Variants in ZNF829 observed in about 807,000 individuals in gnomAD.
The protein encoded by ZNF829 is zinc finger protein 829.
ZNF829 carries 25 observed loss-of-function variants against 35.2 expected under a neutral mutation model. The ratio of observed to expected loss-of-function variants is 0.71; its 90% CI spans 0.52 to 0.99. The LOEUF is 0.99. Among genes scored for constraint, ZNF829 ranks in the 50% least tolerant of loss-of-function variants. The pLI, the probability that ZNF829 is intolerant of heterozygous loss-of-function variation, is 0.00. For missense variants in ZNF829, 417 were observed against 515.3 expected (o/e 0.81, Z 1.85); for synonymous variants, 136 against 163.2 (o/e 0.83, Z 1.27).
At chr19:36,908,245 G>A in intron 4 of ZNF829, 88 bp downstream of exon 4, 1 of 1,507,570 alleles carries the variant, frequency 6.6e-7, no homozygotes, top group Non-Finnish European at 8.9e-7. Flanking sequence ...CAGAAATTCA[G>A]CTGGTTACAT....
In ZNF829 at chr19:36,908,455, G is replaced by T. The variant is rs76856236; in HGVS notation, c.101C>A (p.Pro34Gln). 1 of 1,594,240 alleles carries T rather than the reference G, an allele frequency of 6.3e-7. No individual in the cohort carries two copies. The highest frequency in any genetic ancestry group is 1.8e-5 in the Admixed American group (1 of 55,922). The change falls in exon 4 of 6, where the codon CCG (proline) becomes CAG (glutamine). Residue 34 changes from proline (P) to glutamine (Q), a missense_variant. Transcript: ENST00000391711. ...DELLQAVSKG[P>Q]VMFRDVSIDF... ...TATGGAAACATCCCTGAACATCACC[G>T]GCCCCTGAAACAACAAACATGCTTT...
chr19:36,899,564 T>C (rs1444186073), intron 5 of ZNF829, among the ~76,000 whole-genome samples: 1 of 151,956 alleles, frequency 6.6e-6, no homozygotes, highest in Non-Finnish European at 1.5e-5. Context: ...ATACCTTGAT[T>C]TGATCCTTAT....
chr19:36,904,485 C>T (rs1191797733), intron 5 of ZNF829, among the ~76,000 whole-genome samples: 1 of 152,092 alleles, frequency 6.6e-6, no homozygotes, highest in South Asian at 2.1e-4. Flanking sequence ...CTGCAACTTC[C>T]ACCTCCTGGG....
Position 36,892,472 on chromosome 19 carries a change from C to A in ZNF829, c.320-1G>T. On this transcript the variant is annotated splice_acceptor_variant, in intron 5 of 5. Transcript: ENST00000391711. LOFTEE classifies it high-confidence loss of function. ...TTGGTCTCACACATTGATTCCAGAT[C>A]TGAAAGAAAATACAAAGGCAAATAA... 1 of 1,560,048 alleles carries A rather than the reference C, an allele frequency of 6.4e-7. No individual in the cohort carries two copies. Among genetic ancestry groups the A allele is most frequent in the Non-Finnish European group, 8.6e-7 (1 of 1,161,612 alleles).
At position 36,908,325 on chromosome 19, in the gene ZNF829, A is replaced by G; in HGVS notation, c.223+8T>C. ...ACACTCTGAATTTTGGGGAATAGTT[A>G]TCCTTACCCACTGAAACCAGGTTGC... On this transcript the variant is annotated splice_region_variant and intron_variant, in intron 4 of 5. Coordinates refer to ENST00000391711, the MANE Select transcript of ZNF829 (RefSeq NM_001037232.4). The G allele has an allele frequency of 6.2e-7, 1 of 1,608,974 alleles. No individual in the cohort carries two copies. Among genetic ancestry groups the G allele is most frequent in the Non-Finnish European group, 8.5e-7 (1 of 1,177,976 alleles).
intron 5 of ZNF829, among the ~76,000 whole-genome samples, chr19:36,895,354 A>G (rs113881761): frequency 0.015 from 2,276 of 152,330 alleles, 17 homozygotes; most frequent in African/African-American, 0.029. Flanking sequence ...TAAACAAATG[A>G]AAATAAGAAG....
chr19:36,916,224 A>G lies in ZNF829; in HGVS notation c.-298T>C, dbSNP rs937857260. On this transcript the variant is annotated 5_prime_UTR_variant, in exon 1 of 6. Transcript: ENST00000391711. This position sits in a 1 kb window ranked among gnomAD's most constrained non-coding sequence, Gnocchi z 5.3. ...GTTGCGGGTCGCCGTAGCGCTGCGC[A>G]ATGGAGATGAGCCTCCCGGGGAACC... is the stretch of plus-strand genomic sequence containing the variant. 1.8e-5 allele frequency: 7 copies of G among 397,334 alleles called. No homozygotes were observed. The highest frequency in any genetic ancestry group is 9.0e-6 in the Non-Finnish European group (2 of 221,972). The allele number at this position is 397,334 out of a possible 1,614,324, so 24.6% of individuals were successfully genotyped here. A position where few individuals can be genotyped will look rare whatever the true frequency, so the allele number is the denominator to read the frequency against.
intron 3 of ZNF829, chr19:36,912,784 G>A (rs2073274789): frequency 6.6e-6 from 1 of 152,158 alleles, no homozygotes; most frequent in Non-Finnish European, 1.5e-5. Context: ...ATCACCTGAG[G>A]TTGGGAGTTC....
intron 5 of ZNF829, among the ~76,000 whole-genome samples, chr19:36,903,048 G>C (rs1450312654): frequency 6.9e-6 from 1 of 145,372 alleles, no homozygotes. Context: ...AAATAAAAAA[G>C]AAGAAGAAGA....
intron 3 of ZNF829, among the ~76,000 whole-genome samples, chr19:36,912,103 A>C (rs147533459): frequency 1.0e-3 from 153 of 152,328 alleles, no homozygotes; most frequent in African/African-American, 3.6e-3. Context: ...AGACTGACTT[A>C]GGCAGGAGAA....
At chr19:36,907,087 C>CAAAAAAAAAAAAAAAAAAAAA (rs1158970593) in intron 5 of ZNF829, 1 of 23,728 alleles carries the variant, frequency 4.2e-5, no homozygotes, top group African/African-American at 1.7e-4. Context: ...GACTCCATCT[C>CAAAAAAAAAAAAAAAAAAAAA]AAAAAAAAAA....
chr19:36,909,810 A>G (rs2073248652), intron 3 of ZNF829, among the ~76,000 whole-genome samples: 1 of 151,072 alleles, frequency 6.6e-6, no homozygotes, highest in Admixed American at 6.6e-5. Flanking sequence ...CTGTCTCAAA[A>G]AAAAAAAAAA....
chr19:36,891,758 T>C lies in ZNF829; in HGVS notation c.1033A>G (p.Ile345Val). ...TCATAGAGCTTCTCACCAGCATGAA[T>C]TCTGTGATGGTTAGTAAGTGTTGAG... ...SASTLTNHHR[I>V]HAGEKLYECE... Residue 345 changes from isoleucine (I) to valine (V), a missense_variant, in exon 6 of 6, where the codon ATT becomes GTT. Coordinates refer to ENST00000391711, the MANE Select transcript of ZNF829 (RefSeq NM_001037232.4). 1.5e-5 allele frequency: 25 copies of C among 1,614,188 alleles called. No individual in the cohort carries two copies. Among genetic ancestry groups the C allele is most frequent in the Non-Finnish European group, 2.0e-5 (24 of 1,180,030 alleles).
At chr19:36,902,478 TAC>T (rs1383346039) in intron 5 of ZNF829, among the ~76,000 whole-genome samples, 2 of 151,142 alleles carry the variant, frequency 1.3e-5, no homozygotes, top group African/African-American at 4.9e-5. Flanking sequence ...CTACAAAAAA[TAC>T]AAAAATTAGC....
chr19:36,893,162 A>C (rs2073078433), intron 5 of ZNF829: 1 of 393,844 alleles, frequency 2.5e-6, no homozygotes, highest in African/African-American at 2.1e-5. Context: ...GTGACTGTGC[A>C]ATGGTATACT....
At chr19:36,908,291 T>C in intron 4 of ZNF829, 42 bp downstream of exon 4, 1 of 1,585,158 alleles carries the variant, frequency 6.3e-7, no homozygotes, top group Non-Finnish European at 8.6e-7. Flanking sequence ...AGGAGACACT[T>C]CCAAGGGCAC....
chr19:36,914,329 T>A (rs1373544447), intron 3 of ZNF829, among the ~76,000 whole-genome samples: 1 of 152,130 alleles, frequency 6.6e-6, no homozygotes, highest in African/African-American at 2.4e-5. Context: ...AATAAAGGAC[T>A]GAGATCCAGA....
rs540996802 is a variant in ZNF829 at position 36,900,468 on chromosome 19, C to CT, written c.319+7460dup. 2.3e-4 allele frequency among the ~76,000 whole-genome samples: 35 copies of CT among 152,064 alleles called. No homozygotes were observed. The South Asian group carries it at 4.6e-3, about 20-fold the overall frequency. On this transcript the variant is annotated intron_variant, in intron 5 of 5. Coordinates refer to ENST00000391711, the MANE Select transcript of ZNF829 (RefSeq NM_001037232.4). The stretch of plus-strand genomic sequence containing the variant: ...CCATTTCTCCTGATATAAGCATTGC[C>CT]TGCCTGTATCAAAATCTCATGTAAC...
intron 5 of ZNF829, among the ~76,000 whole-genome samples, chr19:36,897,511 T>C (rs563228495): frequency 2.0e-5 from 3 of 152,280 alleles, no homozygotes; most frequent in Admixed American, 6.5e-5. Flanking sequence ...CGTCTCTTCA[T>C]TATAAAAACC....
Sources: gnomAD v4.1 joint callset for allele counts (sites outside exome capture counted in the v4.1 genomes callset) on GRCh38, gnomAD v4.1.1 for gene constraint, Gnocchi (gnomAD v3.1) non-coding constraint, MANE v1.5 for transcripts, NCBI Gene and HGNC (gene_info 2026-07-23, HGNC 2026-07-21) for gene names.